The following GLIS3 variants were observed in gnomAD, a reference collection of about 807,000 sequenced individuals.
GLIS3 encodes the protein GLIS family zinc finger 3.
A neutral mutation model predicts 78.6 loss-of-function variants in GLIS3; 53 were observed. The observed-to-expected ratio is 0.67, with a 90% CI of 0.54 to 0.85. The LOEUF (loss-of-function observed/expected upper bound fraction) is 0.85. Ranked by LOEUF, GLIS3 falls within the 40% of genes least tolerant of loss-of-function variation. The pLI, the probability that GLIS3 is intolerant of heterozygous loss-of-function variation, is 0.00. For synonymous variants in GLIS3, 684 were observed against 509.9 expected (o/e 1.34, Z -4.60); for missense variants, 1,703 against 1,231.1 (o/e 1.38, Z -5.74).
At chr9:4,433,956 C>T in the GLIS3 span, among the ~76,000 whole-genome samples, 2 of 152,008 alleles carry the variant, frequency 1.3e-5, no homozygotes, top group African/African-American at 2.4e-5. Flanking sequence ...ATTAGCTGGG[C>T]GTGGTGGCAC....
At chr9:4,226,910 G>C (rs182253568) in intron 2 of GLIS3, among the ~76,000 whole-genome samples, 88 of 152,300 alleles carry the variant, frequency 5.8e-4, no homozygotes, top group African/African-American at 2.1e-3. Context: ...GACCCATCCA[G>C]TTTTAAAGGG....
At chr9:4,452,024 G>A in the GLIS3 span, among the ~76,000 whole-genome samples, 3 of 151,654 alleles carry the variant, frequency 2.0e-5, no homozygotes, top group East Asian at 1.9e-4. Context: ...CAACATTCAT[G>A]AATCAATAGA....
chr9:4,191,301 T>C (rs1288868496), intron 2 of GLIS3, among the ~76,000 whole-genome samples: 2 of 152,226 alleles, frequency 1.3e-5, no homozygotes, highest in African/African-American at 4.8e-5. Flanking sequence ...TCTTTCTTAG[T>C]GATACACAAA....
chr9:4,409,444 C>T, the GLIS3 span, among the ~76,000 whole-genome samples: 24 of 152,096 alleles, frequency 1.6e-4, no homozygotes, highest in Non-Finnish European at 3.1e-4. Context: ...ACAATGATCT[C>T]CAAACATCAC....
intron 4 of GLIS3, among the ~76,000 whole-genome samples, chr9:4,056,949 A>T (rs573894161): frequency 6.8e-5 from 10 of 146,858 alleles, no homozygotes; most frequent in Admixed American, 6.2e-4. Flanking sequence ...AAGCCACAAT[A>T]ATCATCTAAA....
intron 7 of GLIS3, among the ~76,000 whole-genome samples, chr9:3,895,363 G>A (rs1277306066): frequency 6.6e-6 from 1 of 152,202 alleles, no homozygotes; most frequent in Admixed American, 6.5e-5. Context: ...AGCCATCCTT[G>A]AGGCCTGCTT....
intron 7 of GLIS3, among the ~76,000 whole-genome samples, chr9:3,880,579 GAATA>G (rs1194579126): frequency 6.6e-6 from 1 of 152,098 alleles, no homozygotes; most frequent in East Asian, 1.9e-4. Context: ...TAATATCAAA[GAATA>G]AATGGATTTT....
chr9:3,868,369 ATT>A (rs138007322), intron 8 of GLIS3, among the ~76,000 whole-genome samples: 6 of 151,328 alleles, frequency 4.0e-5, no homozygotes, highest in South Asian at 2.1e-4. Flanking sequence ...AATGGAAGTA[ATT>A]TTTTTTTTGA....
chr9:4,268,932 G>T (rs1826253957), intron 2 of GLIS3, among the ~76,000 whole-genome samples: 1 of 152,114 alleles, frequency 6.6e-6, no homozygotes, highest in Non-Finnish European at 1.5e-5. Flanking sequence ...TTTCCTCACA[G>T]TTCTCTTTTT....
chr9:4,297,409 A>ACT (rs750325948), intron 1 of GLIS3, among the ~76,000 whole-genome samples: 1 of 151,954 alleles, frequency 6.6e-6, no homozygotes, highest in Non-Finnish European at 1.5e-5. Context: ...GCCAGGGTCC[A>ACT]CTCTAGCTTT....
chr9:4,364,212 A>C, the GLIS3 span, among the ~76,000 whole-genome samples: 1 of 152,202 alleles, frequency 6.6e-6, no homozygotes, highest in Non-Finnish European at 1.5e-5. Context: ...CTACTGAAAA[A>C]CTATTAACAA....
chr9:3,925,012 C>T (rs560950475), intron 6 of GLIS3, among the ~76,000 whole-genome samples: 2 of 152,254 alleles, frequency 1.3e-5, no homozygotes, highest in South Asian at 4.1e-4. Flanking sequence ...GTCAGAGGGT[C>T]GTCATTCCTT....
At chr9:4,199,824 C>T (rs973310537) in intron 2 of GLIS3, among the ~76,000 whole-genome samples, 10 of 152,266 alleles carry the variant, frequency 6.6e-5, no homozygotes, top group Admixed American at 5.9e-4. Context: ...TAGATATGTA[C>T]AGAATACTTC....
intron 2 of GLIS3, among the ~76,000 whole-genome samples, chr9:4,186,049 T>C (rs922065896): frequency 3.3e-5 from 5 of 152,020 alleles, no homozygotes; most frequent in South Asian, 2.1e-4. Context: ...ATGTGCACAA[T>C]GCAGGTTAGT....
At chr9:4,356,972 C>T in the GLIS3 span, among the ~76,000 whole-genome samples, 15 of 152,138 alleles carry the variant, frequency 9.9e-5, no homozygotes, top group Admixed American at 7.2e-4. Context: ...TTGACTGGTA[C>T]GAAATCTTAC....
At chr9:4,152,744 G>C (rs956938864) in intron 2 of GLIS3, among the ~76,000 whole-genome samples, 1 of 151,902 alleles carries the variant, frequency 6.6e-6, no homozygotes, top group Non-Finnish European at 1.5e-5. Flanking sequence ...TTTTACAAAA[G>C]CAATAGGTTT....
chr9:4,012,127 T>C (rs997987277), intron 4 of GLIS3, among the ~76,000 whole-genome samples: 1 of 152,200 alleles, frequency 6.6e-6, no homozygotes. Context: ...AGAAATTTCT[T>C]AAGTATAGGG....
chr9:4,323,048 T>C (rs1817561494), intron 2 of GLIS3, among the ~76,000 whole-genome samples: 1 of 152,222 alleles, frequency 6.6e-6, no homozygotes, highest in South Asian at 2.1e-4. Context: ...TGATTTTAGG[T>C]CTAACATTTA....
intron 4 of GLIS3, among the ~76,000 whole-genome samples, chr9:4,078,100 A>T (rs1828232620): frequency 6.6e-6 from 1 of 151,988 alleles, no homozygotes; most frequent in African/African-American, 2.4e-5. Flanking sequence ...TGCTGGAGCT[A>T]AGTAAATTGA....
Sources: gnomAD v4.1 joint callset for allele counts (sites outside exome capture counted in the v4.1 genomes callset) on GRCh38, gnomAD v4.1.1 for gene constraint, MANE v1.5 for transcripts, NCBI Gene and HGNC (gene_info 2026-07-23, HGNC 2026-07-21) for gene names.